Variants in AP1S3 observed in about 807,000 individuals in gnomAD.
AP1S3 encodes the protein adaptor related protein complex 1 subunit sigma 3, also known as AP-1 complex subunit sigma-3.
In AP1S3, 10 loss-of-function variants were observed where a neutral mutation model predicts 20.9. The ratio of observed to expected loss-of-function variants is 0.48; its 90% CI spans 0.29 to 0.81. The LOEUF is 0.81. Ranked by LOEUF, AP1S3 falls within the 30% of genes least tolerant of loss-of-function variation. The probability of loss-of-function intolerance (pLI) is 0.08; values close to 1 mark genes in which losing one functional copy is unlikely to be tolerated. For missense variants in AP1S3, 154 were observed against 183.8 expected, an observed-to-expected ratio of 0.84 and a Z score of 0.94; for synonymous variants, 41 against 61.5, an observed-to-expected ratio of 0.67 and a Z score of 1.56.
intron 1 of AP1S3, among the ~76,000 whole-genome samples, chr2:223,829,490 G>A (rs1320917715): frequency 6.6e-6 from 1 of 152,008 alleles, no homozygotes; most frequent in African/African-American, 2.4e-5. Flanking sequence ...AGCTTGGGAG[G>A]CCAAGGCGGG....
chr2:223,836,482 G>C (rs879842093), intron 1 of AP1S3, among the ~76,000 whole-genome samples: 1 of 152,144 alleles, frequency 6.6e-6, no homozygotes, highest in Non-Finnish European at 1.5e-5. Flanking sequence ...GCTCACCCCT[G>C]TAATCCCTAC....
At chr2:223,821,893 G>C (rs548040614) in intron 1 of AP1S3, among the ~76,000 whole-genome samples, 3 of 151,728 alleles carry the variant, frequency 2.0e-5, no homozygotes, top group Non-Finnish European at 2.9e-5. Context: ...GAGCCAGAAA[G>C]AGTTTTCAAG....
chr2:223,786,397 C>T (rs1248364881), intron 1 of AP1S3, among the ~76,000 whole-genome samples: 1 of 152,112 alleles, frequency 6.6e-6, no homozygotes, highest in East Asian at 1.9e-4. Context: ...TTAACTAGAG[C>T]ATTGTTTTTA....
intron 1 of AP1S3, among the ~76,000 whole-genome samples, chr2:223,832,352 C>T (rs1559149670): frequency 6.6e-6 from 1 of 150,742 alleles, no homozygotes; most frequent in African/African-American, 2.4e-5. Context: ...CAATACTCAC[C>T]ACAAACAAAC....
At chr2:223,816,363 T>G (rs1465869908) in intron 1 of AP1S3, among the ~76,000 whole-genome samples, 13 of 151,732 alleles carry the variant, frequency 8.6e-5, no homozygotes, top group Admixed American at 8.5e-4. Context: ...CTACTTCAAC[T>G]GGTCACTTGC....
At chr2:223,809,348 C>G (rs1390116802) in intron 1 of AP1S3, among the ~76,000 whole-genome samples, 2 of 152,116 alleles carry the variant, frequency 1.3e-5, no homozygotes, top group Non-Finnish European at 2.9e-5. Flanking sequence ...TGAATCTGTT[C>G]AAAACCCCAC....
intron 1 of AP1S3, among the ~76,000 whole-genome samples, chr2:223,837,234 G>A (rs183839329): frequency 1.3e-5 from 2 of 151,586 alleles, no homozygotes; most frequent in African/African-American, 2.4e-5. Flanking sequence ...CGGCGCCGCG[G>A]CGCCGCGTTG....
At chr2:223,780,347 A>AGTGTGT (rs1347365267) in intron 1 of AP1S3, among the ~76,000 whole-genome samples, 248 of 89,270 alleles carry the variant, frequency 2.8e-3, no homozygotes, top group Non-Finnish European at 4.3e-3. Flanking sequence ...AGAGAGAGAG[A>AGTGTGT]GAGAGAGAGA....
At chr2:223,784,323 A>G (rs1454895918) in intron 1 of AP1S3, among the ~76,000 whole-genome samples, 1 of 151,608 alleles carries the variant, frequency 6.6e-6, no homozygotes, top group African/African-American at 2.4e-5. Context: ...TCACTCCCTG[A>G]CTCTGAGGAG....
At chr2:223,815,293 G>A (rs562601254) in intron 1 of AP1S3, among the ~76,000 whole-genome samples, 2 of 152,318 alleles carry the variant, frequency 1.3e-5, no homozygotes, top group African/African-American at 4.8e-5. Context: ...GTCATGGGCT[G>A]TAGTCTATGA....
chr2:223,808,355 C>T (rs1691634744), intron 1 of AP1S3, among the ~76,000 whole-genome samples: 1 of 152,140 alleles, frequency 6.6e-6, no homozygotes, highest in African/African-American at 2.4e-5. Flanking sequence ...TGCGAGGGCC[C>T]CTCCCTTCTG....
chr2:223,793,032 C>T (rs540344876), intron 1 of AP1S3, among the ~76,000 whole-genome samples: 9 of 151,104 alleles, frequency 6.0e-5, no homozygotes, highest in South Asian at 2.2e-4. Flanking sequence ...GATACCATCT[C>T]ACACCAGTCA....
chr2:223,820,440 T>C (rs1478152897), intron 1 of AP1S3, among the ~76,000 whole-genome samples: 2 of 152,010 alleles, frequency 1.3e-5, no homozygotes, highest in Non-Finnish European at 2.9e-5. Context: ...GCACGGGGTG[T>C]GCCTGTTTAA....
intron 1 of AP1S3, among the ~76,000 whole-genome samples, chr2:223,813,377 A>G (rs1267728589): frequency 6.6e-6 from 1 of 152,206 alleles, no homozygotes; most frequent in Non-Finnish European, 1.5e-5. Flanking sequence ...GCTTTTGTAC[A>G]TTATTTGGAA....
At chr2:223,795,401 G>A (rs1301145716) in intron 1 of AP1S3, among the ~76,000 whole-genome samples, 1 of 152,188 alleles carries the variant, frequency 6.6e-6, no homozygotes, top group Non-Finnish European at 1.5e-5. Context: ...CATGTTCTTA[G>A]GATGAAGATT....
chr2:223,808,064 A>AT (rs1180691903), intron 1 of AP1S3, among the ~76,000 whole-genome samples: 1 of 151,258 alleles, frequency 6.6e-6, no homozygotes, highest in Non-Finnish European at 1.5e-5. Flanking sequence ...TAATTTTTGT[A>AT]TTTTTTGTAG....
chr2:223,755,905 G>A lies in AP1S3; in HGVS notation c.*2810C>T. The A allele has an allele frequency of 1.0e-6, 1 of 985,350 alleles. No individual in the cohort carries two copies. The highest frequency in any genetic ancestry group is 1.1e-4 in the East Asian group (1 of 8,810). The allele number at this position is 985,350 out of a possible 1,614,324, so 61.0% of individuals were successfully genotyped here. On this transcript the variant is annotated 3_prime_UTR_variant, in exon 5 of 5. Transcript: ENST00000396654. The stretch of plus-strand genomic sequence containing the variant: ...TGTCCATAACTAAAGTGTCTAATAT[G>A]GAATTATCCAGAACATGTGTAGTAT...
At chr2:223,825,032 G>A (rs1479736152) in intron 1 of AP1S3, among the ~76,000 whole-genome samples, 6 of 152,104 alleles carry the variant, frequency 3.9e-5, no homozygotes, top group Non-Finnish European at 5.9e-5. Flanking sequence ...TTCCTCGGCC[G>A]GGCTCGGTGG....
chr2:223,777,551 G>T, intron 2 of AP1S3, 140 bp downstream of exon 2: 1 of 708,506 alleles, frequency 1.4e-6, no homozygotes, highest in Non-Finnish European at 2.3e-6. Context: ...TTTCTAGTTA[G>T]TCTATTGGTA....
Sources: gnomAD v4.1 joint callset for allele counts (sites outside exome capture counted in the v4.1 genomes callset) on GRCh38, gnomAD v4.1.1 for gene constraint, MANE v1.5 for transcripts, NCBI Gene and HGNC (gene_info 2026-07-23, HGNC 2026-07-21) for gene names.